ZNF229: variants seen among roughly 807,000 people sequenced by gnomAD.
The protein encoded by ZNF229 is zinc finger protein 229.
In ZNF229, 10 loss-of-function variants were observed where a neutral mutation model predicts 11.8. The ratio of observed to expected loss-of-function variants is 0.85; its 90% CI spans 0.52 to 1.44. The LOEUF is 1.44. Among genes scored for constraint, ZNF229 ranks in the 40% most tolerant of loss-of-function variants. The pLI is 0.00. For missense variants in ZNF229, 1,045 were observed against 1,015.1 expected (o/e 1.03, Z -0.40); for synonymous variants, 368 against 374.8 (o/e 0.98, Z 0.21).
Position 44,429,912 on chromosome 19 carries a change from T to C in ZNF229, c.869A>G (p.Glu290Gly), listed in dbSNP as rs1971681731. Residue 290 changes from glutamate to glycine, a missense_variant, in exon 6 of 6, where the codon GAG becomes GGG. By Grantham distance (98) the Glu-to-Gly change is moderately conservative (BLOSUM62 -2). Transcript: ENST00000614049. Reference protein sequence around the residue: ...LPPHPRVPLKEKLCQYDEFSE... With the variant: ...LPPHPRVPLKGKLCQYDEFSE... ...AAACTCATCATATTGACAGAGTTTCTCTTTCAAAGGTACTCTTGGATGCGG... is the reference window on the plus strand; with the variant it reads ...AAACTCATCATATTGACAGAGTTTCCCTTTCAAAGGTACTCTTGGATGCGG... 6.2e-7 allele frequency: 1 copy of C among 1,614,096 alleles called. No individual in the cohort carries two copies. Among genetic ancestry groups the C allele is most frequent in the African/African-American group, 1.3e-5 (1 of 74,992 alleles).
chr19:44,442,801 T>G lies in ZNF229; in HGVS notation c.34+13A>C. The G allele has an allele frequency of 5.5e-6, 7 of 1,265,792 alleles. No individual in the cohort carries two copies. The highest frequency in any genetic ancestry group is 7.8e-6 in the Non-Finnish European group (7 of 891,948). 78.4% of individuals were successfully genotyped at this position (1,265,792 alleles called of 1,614,324 possible). ...GGATTCTCCCCCCACCCACCCCCTC[T>G]ATTAGCTGTCACCTCTTTTCTCATG... On this transcript the variant is annotated intron_variant, in intron 3 of 5. Transcript: ENST00000614049.
chr19:44,431,882 T>C, intron 5 of ZNF229: 2 of 880,906 alleles, frequency 2.3e-6, no homozygotes, highest in South Asian at 4.7e-5. Context: ...CTTCCGGAGG[T>C]AATTAAGTCA....
rs1220346025 is a variant in ZNF229, at chr19:44,427,557, C to T, written c.*746G>A. The T allele has an allele frequency of 6.6e-6, 1 of 151,906 alleles. No individual in the cohort carries two copies. The highest frequency in any genetic ancestry group is 6.6e-5 in the Admixed American group (1 of 15,258). The allele number at this position is 151,906 out of a possible 1,614,324, so 9.4% of individuals were successfully genotyped here. On this transcript the variant is annotated 3_prime_UTR_variant, in exon 6 of 6. Transcript: ENST00000614049. ...ATCAGCATTTCAAAGACGCCACATT[C>T]TTTCAAAATTAACCTATAAATTCAA...
At chr19:44,436,908 C>T (rs1238619782) in intron 4 of ZNF229, among the ~76,000 whole-genome samples, 1 of 151,684 alleles carries the variant, frequency 6.6e-6, no homozygotes, top group Non-Finnish European at 1.5e-5. Flanking sequence ...TGTATACATA[C>T]ATATATGTGT....
chr19:44,436,102 T>C (rs138328714), intron 4 of ZNF229, among the ~76,000 whole-genome samples: 27 of 152,286 alleles, frequency 1.8e-4, no homozygotes, highest in East Asian at 1.5e-3. Context: ...TGGAGGCCAC[T>C]GCAATATTTA....
intron 4 of ZNF229, among the ~76,000 whole-genome samples, chr19:44,438,191 A>C (rs1971847044): frequency 6.6e-6 from 1 of 152,238 alleles, no homozygotes; most frequent in South Asian, 2.1e-4. Flanking sequence ...GCTTCTAAAA[A>C]CATGGTAAAA....
chr19:44,430,820 C>A (rs1206097516), intron 5 of ZNF229, among the ~76,000 whole-genome samples: 1 of 152,166 alleles, frequency 6.6e-6, no homozygotes, highest in African/African-American at 2.4e-5. Context: ...AAGTTCACTT[C>A]TTCGCTTAAT....
intron 2 of ZNF229, among the ~76,000 whole-genome samples, chr19:44,446,238 T>C (rs1972001553): frequency 6.6e-6 from 1 of 151,958 alleles, no homozygotes; most frequent in Non-Finnish European, 1.5e-5. Flanking sequence ...GGAGGAGAAA[T>C]AAATATGATT....
rs771762763 is a variant in ZNF229 at position 44,428,538 on chromosome 19, C to G, written c.2243G>C (p.Gly748Ala). Residue 748 changes from glycine to alanine, a missense_variant, in exon 6 of 6, where the codon GGC (glycine) becomes GCC (alanine). Gly to Ala is a moderately conservative substitution (Grantham distance 60). Transcript: ENST00000614049. ...KPYRCHVCGK[G>A]YSQSSHLQGH... ...TTGAAGATGTGAGCTCTGACTATAGCCCTTCCCACACACGTGGCATCTGTA... is the reference window on the plus strand; with the variant it reads ...TTGAAGATGTGAGCTCTGACTATAGGCCTTCCCACACACGTGGCATCTGTA... The G allele has an allele frequency of 2.2e-5, 35 of 1,613,676 alleles. No homozygotes were observed. In the East Asian group the frequency reaches 7.6e-4, roughly 35 times the overall value.
At chr19:44,431,631 T>A in intron 5 of ZNF229, 2 of 326,194 alleles carry the variant, frequency 6.1e-6, no homozygotes, top group Non-Finnish European at 8.8e-6. Context: ...AGTTGCAGAA[T>A]AATCATCTAC....
chr19:44,448,117 C>G (rs144285903), intron 1 of ZNF229, among the ~76,000 whole-genome samples, 192 bp downstream of exon 1: 1 of 152,208 alleles, frequency 6.6e-6, no homozygotes, highest in Non-Finnish European at 1.5e-5. Flanking sequence ...GGGCGGCTAC[C>G]CTGAGAAAAT....
intron 5 of ZNF229, among the ~76,000 whole-genome samples, chr19:44,431,579 T>C (rs1329962741): frequency 6.6e-6 from 1 of 152,054 alleles, no homozygotes; most frequent in Non-Finnish European, 1.5e-5. Flanking sequence ...GTGAAAGGCA[T>C]AGAGAAACCA....
At position 44,429,768 on chromosome 19, in the gene ZNF229, T is replaced by C; in HGVS notation, c.1013A>G (p.Asn338Ser). 1 of 1,614,106 alleles carries C rather than the reference T, an allele frequency of 6.2e-7. No homozygotes were observed. The highest frequency in any genetic ancestry group is 1.1e-5 in the South Asian group (1 of 91,080). ...RGVRQNTHIR[N>S]HPRAPVGDMP... ...GTCTCCCACAGGGGCTCTGGGGTGGTTACGTATGTGCGTGTTCTGTCTGAC... is the reference window on the plus strand; with the variant it reads ...GTCTCCCACAGGGGCTCTGGGGTGGCTACGTATGTGCGTGTTCTGTCTGAC... The change falls in exon 6 of 6, where the codon AAC (asparagine) becomes AGC (serine). Residue 338 changes from asparagine to serine, a missense_variant. By Grantham distance (46) the Asn-to-Ser change is conservative (BLOSUM62 1). Coordinates refer to ENST00000614049, the MANE Select transcript of ZNF229 (RefSeq NM_014518.4).
At position 44,430,108 on chromosome 19, in the gene ZNF229, T is replaced by G. The variant is rs758093913; in HGVS notation, c.673A>C (p.Ile225Leu). Reference sequence around the variant, plus strand: ...AATCTGTGATCAACATGACAAGATATCCAGCAAAAGCTGTCATCATCCCAG... The same window carrying G: ...AATCTGTGATCAACATGACAAGATAGCCAGCAAAAGCTGTCATCATCCCAG... The part of the protein sequence containing the change: ...CNWDDDSFCW[I>L]SCHVDHRFPE... Residue 225 changes from isoleucine to leucine, a missense_variant, in exon 6 of 6, where the codon ATA (isoleucine) becomes CTA (leucine). By Grantham distance (5) the Ile-to-Leu change is conservative (BLOSUM62 2). Coordinates refer to ENST00000614049, the MANE Select transcript of ZNF229 (RefSeq NM_014518.4). The G allele has an allele frequency of 6.2e-7, 1 of 1,614,160 alleles. No homozygotes were observed. The highest frequency in any genetic ancestry group is 1.1e-5 in the South Asian group (1 of 91,082).
intron 4 of ZNF229, among the ~76,000 whole-genome samples, chr19:44,434,889 C>A (rs556876843): frequency 6.6e-6 from 1 of 152,194 alleles, no homozygotes; most frequent in East Asian, 1.9e-4. Flanking sequence ...ATGGGAGGGA[C>A]CTGATGGGAG....
Position 44,432,252 on chromosome 19 carries a change from G to A in ZNF229, c.208C>T (p.Leu70=). Residue 70 remains leucine, a synonymous_variant, in exon 5 of 6, where the codon CTA becomes TTA. Coordinates refer to ENST00000614049, the MANE Select transcript of ZNF229 (RefSeq NM_014518.4). ...GGATTCCTCTCACCCACTGAGAGTA[G>A]GTTCCTGAAATTCTCCTGCATCACA... ...QDVMQENFRN[L]LSVGERNPLG... is the part of the protein sequence containing the mutation. 6.2e-7 allele frequency: 1 copy of A among 1,613,846 alleles called. No homozygotes were observed. The highest frequency in any genetic ancestry group is 8.5e-7 in the Non-Finnish European group (1 of 1,179,944).
At chr19:44,437,982 A>C (rs190305937) in intron 4 of ZNF229, among the ~76,000 whole-genome samples, 1 of 152,180 alleles carries the variant, frequency 6.6e-6, no homozygotes, top group Non-Finnish European at 1.5e-5. Flanking sequence ...GGATAGTGGG[A>C]GGAGGGAGAG....
In ZNF229 at chr19:44,429,655, G is replaced by C; in HGVS notation, c.1126C>G (p.Pro376Ala). ...IHQGVHTGRR[P>A]YKCEECGKAF... is the part of the protein sequence containing the mutation. ...TTCCCACACTCCTCACATTTATAGG[G>C]TCTCCTTCCTGTGTGCACCCCTTGA... The change falls in exon 6 of 6, where the codon CCC becomes GCC. Residue 376 changes from proline to alanine, a missense_variant. Transcript: ENST00000614049. The C allele has an allele frequency of 1.9e-6, 3 of 1,614,098 alleles. No homozygotes were observed. Among genetic ancestry groups the C allele is most frequent in the Middle Eastern group, 3.3e-4 (2 of 6,062 alleles).
intron 4 of ZNF229, among the ~76,000 whole-genome samples, chr19:44,438,944 A>T (rs1054091746): frequency 6.6e-6 from 1 of 152,178 alleles, no homozygotes; most frequent in African/African-American, 2.4e-5. Flanking sequence ...CTAGCAAATT[A>T]ATCAAACCCA....
Sources: allele counts gnomAD v4.1 joint callset (sites outside exome capture counted in the v4.1 genomes callset), GRCh38; gene constraint gnomAD v4.1.1; transcripts MANE v1.5; gene names NCBI Gene and HGNC (gene_info 2026-07-23, HGNC 2026-07-21).